Variants in TRIM77 observed in about 807,000 individuals in gnomAD.
The protein encoded by TRIM77 is tripartite motif containing 77.
A neutral mutation model predicts 31.8 loss-of-function variants in TRIM77; 23 were observed. The ratio of observed to expected loss-of-function variants is 0.72; its 90% CI spans 0.52 to 1.02. The LOEUF (loss-of-function observed/expected upper bound fraction) is 1.02, where lower values mean the gene tolerates loss of function less well. Ranked by LOEUF, TRIM77 falls within the 50% of genes least tolerant of loss-of-function variation. TRIM77 has a pLI of 0.00. For synonymous variants in TRIM77, 159 were observed against 183.1 expected, an observed-to-expected ratio of 0.87 and a Z score of 1.06; for missense variants, 446 against 539.2, an observed-to-expected ratio of 0.83 and a Z score of 1.71.
chr11:89,710,714 G>A lies in TRIM77; in HGVS notation c.411+5G>A. ...GAGGCTGATGAATACTATAGGGTAAGTAAATGCTACTGATTGCACTTTGAA... is the reference window on the plus strand; with the variant it reads ...GAGGCTGATGAATACTATAGGGTAAATAAATGCTACTGATTGCACTTTGAA... On this transcript the variant is annotated splice_donor_5th_base_variant and intron_variant, in intron 1 of 5. Coordinates refer to ENST00000398290, the MANE Select transcript of TRIM77 (RefSeq NM_001146162.1). 2.0e-6 allele frequency: 3 copies of A among 1,518,508 alleles called. No homozygotes were observed. The highest frequency in any genetic ancestry group is 1.8e-6 in the Non-Finnish European group (2 of 1,129,074). The allele number at this position is 1,518,508 out of a possible 1,614,324, so 94.1% of individuals were successfully genotyped here.
chr11:89,717,618 G>T lies in TRIM77; in HGVS notation c.1099G>T (p.Asp367Tyr). The T allele has an allele frequency of 1.3e-6, 2 of 1,551,394 alleles. No individual in the cohort carries two copies. Among genetic ancestry groups the T allele is most frequent in the Non-Finnish European group, 1.7e-6 (2 of 1,146,792 alleles). ...LCREAWTKRN[D>Y]MRLDSEGIFL... The stretch of plus-strand genomic sequence containing the variant: ...CAGAGAAGCCTGGACAAAGAGGAAT[G>T]ACATGCGACTTGACTCTGAGGGTAT... The change falls in exon 6 of 6, where the codon GAC becomes TAC. Residue 367 changes from aspartate to tyrosine, a missense_variant. Physicochemically the swap from Asp to Tyr is radical, Grantham distance 160 (BLOSUM62 -3). Coordinates refer to ENST00000398290, the MANE Select transcript of TRIM77 (RefSeq NM_001146162.1).
Position 89,717,710 on chromosome 11 carries a change from T to G in TRIM77, c.1191T>G (p.Pro397=). ...TCTTCTCTACCTCCCCACTGTTACC[T>G]CACTATATTCCAAGGCCCCAAGGCT... The part of the protein sequence containing the change: ...FSLFSTSPLL[P]HYIPRPQGWL... The change falls in exon 6 of 6, where the codon CCT becomes CCG. Residue 397 remains proline (P), a synonymous_variant. Transcript: ENST00000398290. 1 of 1,551,328 alleles carries G rather than the reference T, an allele frequency of 6.4e-7. No homozygotes were observed. Among genetic ancestry groups the G allele is most frequent in the African/African-American group, 1.4e-5 (1 of 73,146 alleles).
chr11:89,716,047 A>G, intron 5 of TRIM77, 60 bp downstream of exon 5: 2 of 1,077,754 alleles, frequency 1.9e-6, no homozygotes, highest in Non-Finnish European at 2.7e-6. Flanking sequence ...GGTGACCTAT[A>G]TTCAGTTTAG....
At chr11:89,714,059 C>G in intron 2 of TRIM77, 133 bp from the exon 3 acceptor site, 4 of 605,988 alleles carry the variant, frequency 6.6e-6, no homozygotes, top group Non-Finnish European at 1.1e-5. Context: ...AAGATTTATA[C>G]TGTATTTGAA....
Position 89,714,235 on chromosome 11 carries a change from C to T in TRIM77, c.551C>T (p.Pro184Leu). The change falls in exon 3 of 6, where the codon CCT (proline) becomes CTT (leucine). Residue 184 changes from proline (P) to leucine (L), a missense_variant. Transcript: ENST00000398290. ...LRSMMISAEYPKVCQYLREEE... is the reference protein window; with the variant it reads ...LRSMMISAEYLKVCQYLREEE... ...AGCATGATGATCAGTGCTGAATATCCTAAGGTGTGTCAATACCTCCGTGAA... is the reference window on the plus strand; with the variant it reads ...AGCATGATGATCAGTGCTGAATATCTTAAGGTGTGTCAATACCTCCGTGAA... 6.4e-7 allele frequency: 1 copy of T among 1,551,532 alleles called. No homozygotes were observed. The highest frequency in any genetic ancestry group is 8.7e-7 in the Non-Finnish European group (1 of 1,146,938).
chr11:89,713,834 T>C (rs540482760), intron 2 of TRIM77, among the ~76,000 whole-genome samples: 11 of 152,272 alleles, frequency 7.2e-5, no homozygotes, highest in African/African-American at 2.6e-4. Flanking sequence ...TCTATTTTCC[T>C]GAGGAAGTAA....
At chr11:89,714,038 A>C (rs1375274984) in intron 2 of TRIM77, among the ~76,000 whole-genome samples, 154 bp from the exon 3 acceptor site, 3 of 152,134 alleles carry the variant, frequency 2.0e-5, no homozygotes, top group Non-Finnish European at 4.4e-5. Context: ...GAAGGGAAGG[A>C]GGAAGAAAGG....
chr11:89,713,307 G>A (rs1333176744), intron 2 of TRIM77, among the ~76,000 whole-genome samples: 2 of 145,374 alleles, frequency 1.4e-5, no homozygotes, highest in Non-Finnish European at 3.0e-5. Context: ...AAGTAATTGA[G>A]TAGCCTGGCA....
rs546612258 is a variant in TRIM77, at chr11:89,710,392, C to A, written c.94C>A (p.His32Asn). ...AGACCCTGTCACCATTTGTTGTGGG[C>A]ACAGATTTTGTAGTCCCTGTCTCTG... Reference protein sequence around the residue: ...LTDPVTICCGHRFCSPCLCLL... With the variant: ...LTDPVTICCGNRFCSPCLCLL... Residue 32 changes from histidine to asparagine, a missense_variant, in exon 1 of 6, where the codon CAC (histidine) becomes AAC (asparagine). This residue lies in a region of TRIM77 where 72 missense variants were observed against 64.7 expected (regional missense o/e 1.11). Transcript: ENST00000398290. 4.5e-6 allele frequency: 7 copies of A among 1,551,848 alleles called. No homozygotes were observed. Among genetic ancestry groups the A allele is most frequent in the Admixed American group, 2.0e-5 (1 of 50,996 alleles).
chr11:89,713,907 T>C (rs1362508538), intron 2 of TRIM77, among the ~76,000 whole-genome samples: 3 of 152,132 alleles, frequency 2.0e-5, no homozygotes, highest in African/African-American at 7.2e-5. Flanking sequence ...ATGAAGAGGT[T>C]AGAACATTAT....
chr11:89,717,516 G>C lies in TRIM77; in HGVS notation c.997G>C (p.Ala333Pro). The C allele has an allele frequency of 6.4e-7, 1 of 1,551,542 alleles. No individual in the cohort carries two copies. Among genetic ancestry groups the C allele is most frequent in the Non-Finnish European group, 8.7e-7 (1 of 1,146,916 alleles). The change falls in exon 6 of 6, where the codon GCT becomes CCT. Residue 333 changes from alanine (A) to proline (P), a missense_variant. Physicochemically the swap from Ala to Pro is conservative, Grantham distance 27 (BLOSUM62 -1). Transcript: ENST00000398290. Reference sequence around the variant, plus strand: ...TACACAGTATACTTCTTCATGGGGAGCTCAGATCCTCAGCTCTGGCAAACA... The same window carrying C: ...TACACAGTATACTTCTTCATGGGGACCTCAGATCCTCAGCTCTGGCAAACA... ...TSTQYTSSWG[A>P]QILSSGKHYW...
chr11:89,713,719 A>T (rs2134545133), intron 2 of TRIM77, among the ~76,000 whole-genome samples: 1 of 152,134 alleles, frequency 6.6e-6, no homozygotes. Context: ...GTGGATAGAG[A>T]TGTGTAGTCT....
intron 2 of TRIM77, among the ~76,000 whole-genome samples, chr11:89,713,867 A>G (rs1462338055): frequency 1.3e-5 from 2 of 152,188 alleles, no homozygotes; most frequent in Non-Finnish European, 2.9e-5. Context: ...AGGAGTATTG[A>G]GAAAAATGGA....
rs1949114090 is a variant in TRIM77, at chr11:89,710,448, T to C, written c.150T>C (p.Asn50=). Reference sequence around the variant, plus strand: ...TGTGGGAAGATACACTAACTCCTAATTGCTGCCCTGTGTGCAGGGAAATAT... The same window carrying C: ...TGTGGGAAGATACACTAACTCCTAACTGCTGCCCTGTGTGCAGGGAAATAT... ...CLLWEDTLTP[N]CCPVCREISQ... The change falls in exon 1 of 6, where the codon AAT becomes AAC. Residue 50 remains asparagine, a synonymous_variant. Transcript: ENST00000398290. 1 of 1,551,778 alleles carries C rather than the reference T, an allele frequency of 6.4e-7. No individual in the cohort carries two copies. Among genetic ancestry groups the C allele is most frequent in the Non-Finnish European group, 8.7e-7 (1 of 1,146,982 alleles).
rs764102733 is a variant in TRIM77, at chr11:89,710,609, G to A, written c.311G>A (p.Cys104Tyr). The A allele has an allele frequency of 1.7e-5, 26 of 1,551,342 alleles. No individual in the cohort carries two copies. The highest frequency in any genetic ancestry group is 1.7e-4 in the Middle Eastern group (1 of 6,010). Reference protein sequence around the residue: ...RRHQEIKNLICETDRSLLCFL... With the variant: ...RRHQEIKNLIYETDRSLLCFL... Reference sequence around the variant, plus strand: ...CACCAGGAAATCAAGAACCTCATCTGTGAAACTGATAGGAGCCTGCTGTGT... The same window carrying A: ...CACCAGGAAATCAAGAACCTCATCTATGAAACTGATAGGAGCCTGCTGTGT... The change falls in exon 1 of 6, where the codon TGT (cysteine) becomes TAT (tyrosine). Residue 104 changes from cysteine to tyrosine, a missense_variant. Around this residue, in one of 3 missense-constraint regions of TRIM77, gnomAD observed 366 missense variants for 447.9 expected, o/e 0.82. Coordinates refer to ENST00000398290, the MANE Select transcript of TRIM77 (RefSeq NM_001146162.1).
intron 5 of TRIM77, 34 bp downstream of exon 5, chr11:89,716,021 T>C: frequency 7.3e-7 from 1 of 1,360,918 alleles, no homozygotes. Context: ...GTTTCCAACG[T>C]AAGTATTTTT....
chr11:89,713,292 A>T (rs1949135939), intron 2 of TRIM77, among the ~76,000 whole-genome samples: 1 of 149,236 alleles, frequency 6.7e-6, no homozygotes, highest in Non-Finnish European at 1.5e-5. Context: ...AAAAAAAAAA[A>T]AAAAAAGTAA....
intron 2 of TRIM77, among the ~76,000 whole-genome samples, chr11:89,712,135 A>G (rs1415111627): frequency 6.6e-6 from 1 of 152,212 alleles, no homozygotes; most frequent in Non-Finnish European, 1.5e-5. Context: ...AAAACTGAAT[A>G]AGTAAATTAA....
At chr11:89,714,602 T>C (rs1949148230) in intron 3 of TRIM77, among the ~76,000 whole-genome samples, 180 bp downstream of exon 3, 1 of 152,166 alleles carries the variant, frequency 6.6e-6, no homozygotes, top group Non-Finnish European at 1.5e-5. Context: ...CTCTTTCTTG[T>C]CCCATAGAGG....
Sources: gnomAD v4.1 joint callset for allele counts (sites outside exome capture counted in the v4.1 genomes callset) on GRCh38, gnomAD v4.1.1 for gene constraint, gnomAD v4.1.1 regional missense constraint, MANE v1.5 for transcripts, NCBI Gene and HGNC (gene_info 2026-07-23, HGNC 2026-07-21) for gene names.